Variants in ACOT12 observed in about 807,000 individuals in gnomAD.
The protein encoded by ACOT12 is acetyl-coenzyme A thioesterase.
A neutral mutation model predicts 67.7 loss-of-function variants in ACOT12; 51 were observed. The observed-to-expected ratio is 0.75, with a 90% CI of 0.60 to 0.95. The LOEUF is 0.95. Among genes scored for constraint, ACOT12 ranks in the 40% least tolerant of loss-of-function variants. The pLI is 0.00. For synonymous variants in ACOT12, 251 were observed against 244.6 expected (o/e 1.03, Z -0.24); for missense variants, 734 against 708.1 (o/e 1.04, Z -0.41).
At chr5:81,351,322 A>G (rs752147118) in intron 5 of ACOT12, among the ~76,000 whole-genome samples, 2 of 152,180 alleles carry the variant, frequency 1.3e-5, no homozygotes, top group Non-Finnish European at 2.9e-5. Context: ...TTTGTTTAAA[A>G]TAAATTAATA....
chr5:81,393,918 C>G lies in ACOT12; in HGVS notation c.127+70G>C, dbSNP rs879506856. 1,086 of 1,275,522 alleles carry G rather than the reference C, an allele frequency of 8.5e-4. 1 individual carries two copies. Among genetic ancestry groups the G allele is most frequent in the Non-Finnish European group, 1.0e-3 (1,051 of 1,013,502 alleles). 79.0% of individuals were successfully genotyped at this position (1,275,522 alleles called of 1,614,324 possible). A position where few individuals can be genotyped will look rare whatever the true frequency, so the allele number is the denominator to read the frequency against. ...TACCTTCCTCGCCTTCCTACCCCCC[C>G]CAGCCCCCAGCCGCCGCCGCTCCCG... On this transcript the variant is annotated intron_variant, in intron 1 of 14. Transcript: ENST00000307624.
intron 11 of ACOT12, among the ~76,000 whole-genome samples, chr5:81,338,836 C>G (rs904300178): frequency 2.0e-5 from 3 of 152,132 alleles, no homozygotes; most frequent in African/African-American, 7.2e-5. Context: ...AATCCCAACA[C>G]TTTGGGAGGC....
At chr5:81,323,938 G>A in the ACOT12 span, among the ~76,000 whole-genome samples, 4 of 146,108 alleles carry the variant, frequency 2.7e-5, no homozygotes, top group Admixed American at 6.9e-5. Context: ...ATACATATAT[G>A]TGTATATATA....
chr5:81,377,302 A>G (rs1435252009), intron 2 of ACOT12, among the ~76,000 whole-genome samples: 1 of 152,218 alleles, frequency 6.6e-6, no homozygotes, highest in Admixed American at 6.5e-5. Context: ...CATTCATGCT[A>G]AAAATTCTCA....
In ACOT12 at chr5:81,344,195, C is replaced by T; in HGVS notation, c.945G>A (p.Arg315=). 1.2e-6 allele frequency: 2 copies of T among 1,613,496 alleles called. No homozygotes were observed. The highest frequency in any genetic ancestry group is 1.7e-6 in the Non-Finnish European group (2 of 1,179,728). Residue 315 remains arginine, a synonymous_variant, in exon 9 of 15, where the codon CGG becomes CGA. Transcript: ENST00000307624. The part of the protein sequence containing the change: ...PISKDDFRRY[R]GAIARKRIRL... ...GAATTCGCTTGCGTGCAATAGCTCC[C>T]CGATAGCGTCTGAAATCATCCTTTA... is the stretch of plus-strand genomic sequence containing the variant.
chr5:81,325,492 G>C (rs938860699), downstream of ACOT12, among the ~76,000 whole-genome samples: 1 of 152,206 alleles, frequency 6.6e-6, no homozygotes, highest in East Asian at 1.9e-4. Context: ...TGAAAGGACA[G>C]AGGTGCAGTG....
chr5:81,341,226 T>C (rs1375456645), intron 11 of ACOT12, among the ~76,000 whole-genome samples: 1 of 152,190 alleles, frequency 6.6e-6, no homozygotes, highest in Non-Finnish European at 1.5e-5. Flanking sequence ...TGTTTCTGCA[T>C]CACTGAACCA....
At chr5:81,347,998 T>C in intron 5 of ACOT12, 68 bp from the exon 6 acceptor site, 1 of 1,509,788 alleles carries the variant, frequency 6.6e-7, no homozygotes, top group Non-Finnish European at 9.0e-7. Flanking sequence ...CAGCTTTTCC[T>C]TCCCGGCAGT....
chr5:81,349,091 G>A (rs1034448511), intron 5 of ACOT12, among the ~76,000 whole-genome samples: 2 of 152,158 alleles, frequency 1.3e-5, no homozygotes, highest in South Asian at 2.1e-4. Context: ...ACTGTCAGAG[G>A]CAGAGCTGAG....
chr5:81,366,192 A>C (rs1760072136), intron 3 of ACOT12, among the ~76,000 whole-genome samples: 2 of 152,250 alleles, frequency 1.3e-5, no homozygotes, highest in Admixed American at 1.3e-4. Context: ...ACGTATCTTT[A>C]AAGGCTCAAA....
chr5:81,386,292 CA>C (rs1421481989), intron 1 of ACOT12, among the ~76,000 whole-genome samples: 2 of 152,216 alleles, frequency 1.3e-5, no homozygotes, highest in Non-Finnish European at 2.9e-5. Flanking sequence ...CGAGTCATCC[CA>C]AATCAAAGAG....
chr5:81,330,333 G>C lies in ACOT12; in HGVS notation c.*61C>G. On this transcript the variant is annotated 3_prime_UTR_variant, in exon 15 of 15. Coordinates refer to ENST00000307624, the MANE Select transcript of ACOT12 (RefSeq NM_130767.3). ...GGCCCCAAAGCTTGACAGATGTCAGGGCTAAGGGTGCTTGGAATTAAAAGT... is the reference window on the plus strand; with the variant it reads ...GGCCCCAAAGCTTGACAGATGTCAGCGCTAAGGGTGCTTGGAATTAAAAGT... The C allele has an allele frequency of 6.4e-7, 1 of 1,568,544 alleles. No individual in the cohort carries two copies. The highest frequency in any genetic ancestry group is 8.7e-7 in the Non-Finnish European group (1 of 1,151,120).
intron 5 of ACOT12, among the ~76,000 whole-genome samples, chr5:81,357,492 TCA>T (rs200556230): frequency 6.6e-6 from 1 of 151,388 alleles, no homozygotes; most frequent in Non-Finnish European, 1.5e-5. Context: ...TTATCCACAA[TCA>T]CACACACACA....
Position 81,340,852 on chromosome 5 carries a change from T to G in ACOT12, c.1128+1820A>C, listed in dbSNP as rs748378080. Among the ~76,000 whole-genome samples the G allele has an allele frequency of 2.6e-5, 4 of 152,252 alleles. No individual in the cohort carries two copies. In the South Asian group the frequency reaches 8.3e-4, roughly 31 times the overall value. On this transcript the variant is annotated intron_variant, in intron 11 of 14. Coordinates refer to ENST00000307624, the MANE Select transcript of ACOT12 (RefSeq NM_130767.3). ...TCAGATTTTTATCATAAGTATAATC[T>G]TTAAAGGAGAAATTCAAATTCAATG... is the stretch of plus-strand genomic sequence containing the variant.
intron 12 of ACOT12, 141 bp downstream of exon 12, chr5:81,335,627 G>T: frequency 6.7e-6 from 7 of 1,049,142 alleles, no homozygotes; most frequent in Non-Finnish European, 9.7e-6. Context: ...GCCTCCCAAA[G>T]TGCTATGCTG....
At chr5:81,382,887 G>A (rs889307341) in intron 2 of ACOT12, among the ~76,000 whole-genome samples, 1 of 151,966 alleles carries the variant, frequency 6.6e-6, no homozygotes, top group Non-Finnish European at 1.5e-5. Context: ...ATGAATAAAG[G>A]GAAAGAGTCA....
chr5:81,338,565 A>G (rs79515095), intron 11 of ACOT12, among the ~76,000 whole-genome samples: 118 of 152,238 alleles, frequency 7.8e-4, no homozygotes, highest in Non-Finnish European at 1.5e-3. Context: ...AACCAATTAA[A>G]CCTCTTTTCT....
chr5:81,315,891 C>A, the ACOT12 span, among the ~76,000 whole-genome samples: 32 of 152,310 alleles, frequency 2.1e-4, no homozygotes, highest in Admixed American at 7.8e-4. Flanking sequence ...TTTTCTGTGT[C>A]ATTTATCACC....
chr5:81,385,504 T>C (rs1760702724), intron 2 of ACOT12, among the ~76,000 whole-genome samples: 1 of 152,158 alleles, frequency 6.6e-6, no homozygotes, highest in African/African-American at 2.4e-5. Context: ...CTGTTATGCC[T>C]TATGCCACAA....
Sources: allele counts gnomAD v4.1 joint callset (sites outside exome capture counted in the v4.1 genomes callset), GRCh38; gene constraint gnomAD v4.1.1; transcripts MANE v1.5; gene names NCBI Gene and HGNC (gene_info 2026-07-23, HGNC 2026-07-21).